ARL15: variants seen among roughly 807,000 people sequenced by gnomAD.
ARL15 encodes ADP-ribosylation factor-like protein 15.
Under a neutral mutation model 25.2 loss-of-function variants are expected in ARL15, and 19 were observed. The ratio of observed to expected loss-of-function variants is 0.75; its 90% confidence interval spans 0.53 to 1.10. The LOEUF (loss-of-function observed/expected upper bound fraction) is 1.10, where lower values mean the gene tolerates loss of function less well. Ranked by LOEUF, ARL15 falls within the 50% of genes least tolerant of loss-of-function variation. The pLI, the probability that ARL15 is intolerant of heterozygous loss-of-function variation, is 0.00. For synonymous variants in ARL15, 94 were observed against 86.8 expected, an observed-to-expected ratio of 1.08 and a Z score of -0.46; for missense variants, 220 against 246.0, an observed-to-expected ratio of 0.89 and a Z score of 0.71.
At chr5:54,243,774 G>A (rs1757019408) in intron 1 of ARL15, among the ~76,000 whole-genome samples, 1 of 152,090 alleles carries the variant, frequency 6.6e-6, no homozygotes, top group Non-Finnish European at 1.5e-5. Context: ...AAAAACATGT[G>A]GCCCATTGGC....
chr5:54,211,741 G>A (rs1473149251), intron 1 of ARL15, among the ~76,000 whole-genome samples: 11 of 151,808 alleles, frequency 7.2e-5, no homozygotes, highest in Non-Finnish European at 1.5e-5. Context: ...CAAAGTGCTG[G>A]GATTACAGGC....
chr5:53,956,993 A>G (rs1747181998), intron 4 of ARL15, among the ~76,000 whole-genome samples: 1 of 152,102 alleles, frequency 6.6e-6, no homozygotes, highest in Non-Finnish European at 1.5e-5. Flanking sequence ...CTTACACATA[A>G]TGGGAAGCCC....
intron 1 of ARL15, among the ~76,000 whole-genome samples, chr5:54,280,468 A>C (rs1163846713): frequency 1.3e-5 from 2 of 152,242 alleles, no homozygotes; most frequent in Non-Finnish European, 2.9e-5. Flanking sequence ...TAAAGGCAAA[A>C]CAGAAAATTA....
intron 4 of ARL15, among the ~76,000 whole-genome samples, chr5:54,016,935 T>G (rs575367314): frequency 6.6e-6 from 1 of 152,218 alleles, no homozygotes; most frequent in Non-Finnish European, 1.5e-5. Flanking sequence ...ATTTCATGGT[T>G]GGAAAGACCA....
chr5:54,077,838 T>A (rs902583172), intron 4 of ARL15, among the ~76,000 whole-genome samples: 2 of 152,164 alleles, frequency 1.3e-5, no homozygotes, highest in Non-Finnish European at 2.9e-5. Flanking sequence ...ATGACCTGAT[T>A]TTTAACTACC....
At chr5:53,996,838 C>T (rs1748692964) in intron 4 of ARL15, among the ~76,000 whole-genome samples, 1 of 152,110 alleles carries the variant, frequency 6.6e-6, no homozygotes, top group Non-Finnish European at 1.5e-5. Flanking sequence ...AGGCTAACAC[C>T]TTACACCTGT....
intron 1 of ARL15, among the ~76,000 whole-genome samples, chr5:54,260,160 T>C (rs1561286379): frequency 6.6e-6 from 1 of 152,164 alleles, no homozygotes; most frequent in Non-Finnish European, 1.5e-5. Flanking sequence ...TGCGCATCTT[T>C]AATGGTGCCA....
chr5:54,205,415 G>A (rs2112493190), intron 1 of ARL15, among the ~76,000 whole-genome samples: 1 of 152,134 alleles, frequency 6.6e-6, no homozygotes, highest in South Asian at 2.1e-4. Flanking sequence ...ACCCATCAGG[G>A]AATAAAAAGG....
intron 4 of ARL15, among the ~76,000 whole-genome samples, chr5:53,939,458 C>G (rs951331573): frequency 6.6e-6 from 1 of 152,152 alleles, no homozygotes; most frequent in South Asian, 2.1e-4. Flanking sequence ...GATGCTGGGC[C>G]GGGCGCGATG....
intron 4 of ARL15, among the ~76,000 whole-genome samples, chr5:53,945,096 G>A (rs1746679885): frequency 6.6e-6 from 1 of 152,184 alleles, no homozygotes; most frequent in Non-Finnish European, 1.5e-5. Flanking sequence ...GTGGCTGAGA[G>A]AGATGTGAGT....
At chr5:54,274,098 G>C (rs1185719438) in intron 1 of ARL15, among the ~76,000 whole-genome samples, 2 of 152,150 alleles carry the variant, frequency 1.3e-5, no homozygotes, top group African/African-American at 4.8e-5. Flanking sequence ...GTGAGGCAGG[G>C]GAGTGCTGTA....
intron 4 of ARL15, among the ~76,000 whole-genome samples, chr5:53,913,790 A>G (rs995071215): frequency 2.6e-5 from 4 of 152,140 alleles, no homozygotes; most frequent in African/African-American, 9.7e-5. Context: ...TCTAATCACA[A>G]TAGCTGAAGG....
intron 4 of ARL15, among the ~76,000 whole-genome samples, chr5:53,949,823 T>C (rs866145318): frequency 4.6e-5 from 7 of 152,280 alleles, no homozygotes; most frequent in Admixed American, 2.6e-4. Context: ...AGAAATACTA[T>C]AAGTAACTCT....
chr5:54,229,438 T>C (rs997863318), intron 1 of ARL15, among the ~76,000 whole-genome samples: 24 of 152,082 alleles, frequency 1.6e-4, no homozygotes, highest in Non-Finnish European at 3.2e-4. Flanking sequence ...ACGAGAGATA[T>C]GAAAGCAAGC....
chr5:54,189,592 C>T (rs1579891792), intron 1 of ARL15, among the ~76,000 whole-genome samples: 2 of 152,054 alleles, frequency 1.3e-5, no homozygotes, highest in African/African-American at 4.8e-5. Context: ...GATATGCACA[C>T]ACAAAAGAAT....
chr5:54,182,783 A>G (rs1390061120), intron 1 of ARL15, among the ~76,000 whole-genome samples: 1 of 152,142 alleles, frequency 6.6e-6, no homozygotes, highest in Non-Finnish European at 1.5e-5. Context: ...ACCCATGAGC[A>G]TGGAATGTTC....
At position 54,258,937 on chromosome 5, in the gene ARL15, T is replaced by C. The variant is rs537791719; in HGVS notation, c.48+51495A>G. Among the ~76,000 whole-genome samples the C allele has an allele frequency of 2.6e-5, 4 of 152,196 alleles. No homozygotes were observed. In the South Asian group the frequency reaches 6.2e-4, roughly 24 times the overall value. On this transcript the variant is annotated intron_variant, in intron 1 of 4. Coordinates refer to ENST00000504924, the MANE Select transcript of ARL15 (RefSeq NM_019087.3). ...TAAGGAAAACACACATTTTGAAACA[T>C]GAACAACCATATAGACAAATTCAAA... is the stretch of plus-strand genomic sequence containing the variant.
intron 4 of ARL15, among the ~76,000 whole-genome samples, chr5:54,079,967 TCACACACA>T (rs58908566): frequency 0.09 from 11,191 of 124,260 alleles, 696 homozygotes; most frequent in African/African-American, 0.2. Context: ...TGAGACTCCG[TCACACACA>T]CACACACACA....
chr5:53,896,686 C>T (rs1450282717), intron 4 of ARL15, among the ~76,000 whole-genome samples: 6 of 151,872 alleles, frequency 4.0e-5, no homozygotes, highest in South Asian at 2.1e-4. Flanking sequence ...TTAGTAGAGA[C>T]GGGGTTTCAC....
Sources: gnomAD v4.1 joint callset for allele counts (sites outside exome capture counted in the v4.1 genomes callset) on GRCh38, gnomAD v4.1.1 for gene constraint, MANE v1.5 for transcripts, NCBI Gene and HGNC (gene_info 2026-07-23, HGNC 2026-07-21) for gene names.